METTL22: variants seen among roughly 807,000 people sequenced by gnomAD.
METTL22 encodes methyltransferase-like protein 22.
In METTL22, 51 loss-of-function variants were observed where a neutral mutation model predicts 48.4. The ratio of observed to expected loss-of-function variants is 1.05; its 90% CI spans 0.84 to 1.33. METTL22 has a LOEUF of 1.33. Ranked by LOEUF, METTL22 falls within the 40% of genes most tolerant of loss-of-function variation. The probability of loss-of-function intolerance (pLI) is 0.00; values close to 1 mark genes in which losing one functional copy is unlikely to be tolerated. For missense variants in METTL22, 678 were observed against 526.9 expected, an observed-to-expected ratio of 1.29 and a Z score of -2.81; for synonymous variants, 255 against 214.1, an observed-to-expected ratio of 1.19 and a Z score of -1.67.
At chr16:8,635,617 A>C (rs1164024806) in intron 5 of METTL22, among the ~76,000 whole-genome samples, 2 of 152,206 alleles carry the variant, frequency 1.3e-5, no homozygotes, top group African/African-American at 2.4e-5. Flanking sequence ...ATCTCCAAAA[A>C]CAGGAGGAAT....
At chr16:8,659,831 C>T in the METTL22 span, among the ~76,000 whole-genome samples, 1 of 151,852 alleles carries the variant, frequency 6.6e-6, no homozygotes, top group Non-Finnish European at 1.5e-5. Flanking sequence ...TCAAGCGATC[C>T]TCCCACCTCA....
chr16:8,641,301 A>C (rs928157336), intron 7 of METTL22, 117 bp downstream of exon 7: 8 of 994,822 alleles, frequency 8.0e-6, no homozygotes, highest in Non-Finnish European at 1.3e-5. Context: ...CCACAGTCCC[A>C]TCGGCGCATG....
chr16:8,639,613 C>G (rs913102899), intron 6 of METTL22: 2 of 196,074 alleles, frequency 1.0e-5, no homozygotes, highest in African/African-American at 4.6e-5. Context: ...GCCTGCTCTC[C>G]TTGCCTCCTC....
chr16:8,634,452 C>A (rs1401507848), intron 3 of METTL22, among the ~76,000 whole-genome samples: 1 of 152,064 alleles, frequency 6.6e-6, no homozygotes, highest in Non-Finnish European at 1.5e-5. Flanking sequence ...AGAATTTGAT[C>A]CTATTAGGGT....
At chr16:8,663,225 A>AAAG in the METTL22 span, among the ~76,000 whole-genome samples, 6 of 123,468 alleles carry the variant, frequency 4.9e-5, 2 homozygotes, top group Admixed American at 9.2e-5. Context: ...AAAAAAAAAA[A>AAAG]GGTAGCCAAG....
rs532682905 is a variant in METTL22 at position 8,641,172 on chromosome 16, G to A, written c.814G>A (p.Asp272Asn). ...CAAAGAACTGGACTGGCTGAAGGAC[G>A]ACCTCTGCACAGGTGTGTGTTTCTC... ...RVKELDWLKDDLCTDPKVPFS... is the reference protein window; with the variant it reads ...RVKELDWLKDNLCTDPKVPFS... Residue 272 changes from aspartate to asparagine, a missense_variant, in exon 7 of 11, where the codon GAC becomes AAC. By Grantham distance (23) the Asp-to-Asn change is conservative (BLOSUM62 1). Transcript: ENST00000381920. The A allele has an allele frequency of 9.3e-6, 15 of 1,613,894 alleles. No homozygotes were observed. Among genetic ancestry groups the A allele is most frequent in the Middle Eastern group, 1.6e-4 (1 of 6,062 alleles).
intron 7 of METTL22, chr16:8,641,489 TA>T: frequency 1.8e-6 from 1 of 555,646 alleles, no homozygotes; most frequent in Non-Finnish European, 3.4e-6. Flanking sequence ...CACAGCAGGG[TA>T]GGGGCATAGA....
chr16:8,639,884 G>GC lies in METTL22; in HGVS notation c.772+728dup, dbSNP rs879830265. Among the ~76,000 whole-genome samples the GC allele has an allele frequency of 9.2e-3, 1,386 of 151,136 alleles. 15 individuals carry two copies. Among genetic ancestry groups the GC allele is most frequent in the African/African-American group, 0.023 (957 of 41,162 alleles). ...GATCTGGCCCCTGTCTGTCTGCAGC[G>GC]CCCCCCACCACCAACAGCCGACCTC... On this transcript the variant is annotated intron_variant, in intron 6 of 10. Transcript: ENST00000381920.
rs1279223582 is a variant in METTL22, at chr16:8,641,174, C to G, written c.816C>G (p.Asp272Glu). 5 of 1,613,934 alleles carry G rather than the reference C, an allele frequency of 3.1e-6. No homozygotes were observed. Among genetic ancestry groups the G allele is most frequent in the Non-Finnish European group, 3.4e-6 (4 of 1,179,940 alleles). The change falls in exon 7 of 11, where the codon GAC (aspartate) becomes GAG (glutamate). Residue 272 changes from aspartate (D) to glutamate (E), a missense_variant. Transcript: ENST00000381920. ...AAGAACTGGACTGGCTGAAGGACGACCTCTGCACAGGTGTGTGTTTCTCTC... is the reference window on the plus strand; with the variant it reads ...AAGAACTGGACTGGCTGAAGGACGAGCTCTGCACAGGTGTGTGTTTCTCTC... Reference protein sequence around the residue: ...RVKELDWLKDDLCTDPKVPFS... With the variant: ...RVKELDWLKDELCTDPKVPFS...
chr16:8,635,852 C>T (rs974524728), intron 5 of METTL22, among the ~76,000 whole-genome samples: 3 of 152,210 alleles, frequency 2.0e-5, no homozygotes, highest in African/African-American at 4.8e-5. Flanking sequence ...CTAGGCACTG[C>T]CCTCAGGGCG....
At chr16:8,663,738 C>T in the METTL22 span, among the ~76,000 whole-genome samples, 2 of 152,222 alleles carry the variant, frequency 1.3e-5, no homozygotes, top group South Asian at 4.1e-4. Context: ...TTAAAGCTTG[C>T]CCAAGGTCAG....
At chr16:8,663,064 C>T in the METTL22 span, among the ~76,000 whole-genome samples, 21,727 of 149,306 alleles carry the variant, frequency 0.15, 1,658 homozygotes, top group Admixed American at 0.17. Flanking sequence ...AAAAATTAGC[C>T]GGGCATGATG....
At chr16:8,665,209 AG>A in the METTL22 span, among the ~76,000 whole-genome samples, 1 of 152,226 alleles carries the variant, frequency 6.6e-6, no homozygotes, top group Non-Finnish European at 1.5e-5. Flanking sequence ...AAGAGTCTGA[AG>A]TGGGAGAATC....
At chr16:8,663,571 G>A in the METTL22 span, among the ~76,000 whole-genome samples, 14 of 151,726 alleles carry the variant, frequency 9.2e-5, no homozygotes, top group Non-Finnish European at 2.1e-4. Flanking sequence ...GGCCCCACCT[G>A]GAGGCTGGGG....
At chr16:8,644,750 C>T (rs759378148) in intron 10 of METTL22, 25 bp downstream of exon 10, 1 of 1,526,938 alleles carries the variant, frequency 6.5e-7, no homozygotes, top group South Asian at 1.2e-5. Flanking sequence ...CGAAGCAGGG[C>T]CGTTGGTTGC....
At position 8,639,154 on chromosome 16, in the gene METTL22, C is replaced by A. The variant is rs1316547658; in HGVS notation, c.764C>A (p.Ala255Asp). The change falls in exon 6 of 11, where the codon GCC becomes GAC. Residue 255 changes from alanine to aspartate, a missense_variant. Coordinates refer to ENST00000381920, the MANE Select transcript of METTL22 (RefSeq NM_024109.4). ...ATTGCCCTCAACAGCCACCTGGCTG[C>A]CACTGGAGGTGAGGCCCAGGGGGTC... ...RNIALNSHLA[A>D]TGGGIVRVKE... is the part of the protein sequence containing the mutation. 1 of 1,613,900 alleles carries A rather than the reference C, an allele frequency of 6.2e-7. No homozygotes were observed. The highest frequency in any genetic ancestry group is 1.3e-5 in the African/African-American group (1 of 74,934).
At chr16:8,666,784 C>CTTTT in the METTL22 span, 29 of 123,190 alleles carry the variant, frequency 2.4e-4, no homozygotes, top group South Asian at 5.5e-4. Flanking sequence ...TTCTTTCTTT[C>CTTTT]TTTTTTTTTT....
At chr16:8,624,296 T>C (rs2055963810) in intron 1 of METTL22, among the ~76,000 whole-genome samples, 1 of 152,056 alleles carries the variant, frequency 6.6e-6, no homozygotes, top group African/African-American at 2.4e-5. Flanking sequence ...ACCTGCATAA[T>C]TTTGCCATAT....
At chr16:8,658,759 A>C in the METTL22 span, among the ~76,000 whole-genome samples, 2 of 152,180 alleles carry the variant, frequency 1.3e-5, no homozygotes, top group African/African-American at 4.8e-5. Flanking sequence ...AGTGCACGTC[A>C]AGGCTCTACT....
Sources: gnomAD v4.1 joint callset for allele counts (sites outside exome capture counted in the v4.1 genomes callset) on GRCh38, gnomAD v4.1.1 for gene constraint, MANE v1.5 for transcripts, NCBI Gene and HGNC (gene_info 2026-07-23, HGNC 2026-07-21) for gene names.